SETD3: variants seen among roughly 807,000 people sequenced by gnomAD.
SETD3 encodes the protein SET domain containing 3, actin N3(tau)-histidine methyltransferase.
SETD3 carries 19 observed loss-of-function variants against 63.0 expected under a neutral mutation model. The observed-to-expected ratio is 0.30, with a 90% confidence interval of 0.21 to 0.44. The LOEUF (loss-of-function observed/expected upper bound fraction) is 0.44. Ranked by LOEUF, SETD3 falls within the 20% of genes least tolerant of loss-of-function variation. SETD3 has a pLI of 1.00. For missense variants in SETD3, 587 were observed against 728.5 expected (o/e 0.81, Z 2.24); for synonymous variants, 286 against 264.1 (o/e 1.08, Z -0.80).
chr14:99,470,922 G>A (rs1207409771), intron 1 of SETD3, among the ~76,000 whole-genome samples: 1 of 152,126 alleles, frequency 6.6e-6, no homozygotes, highest in African/African-American at 2.4e-5. Context: ...CAGCCCCCTG[G>A]CCTGGCTGTC....
chr14:99,405,124 T>C, intron 10 of SETD3, 81 bp downstream of exon 10: 2 of 1,509,760 alleles, frequency 1.3e-6, no homozygotes, highest in South Asian at 2.7e-5. Flanking sequence ...AGAAGTTTTA[T>C]TAACACACCA....
chr14:99,417,290 T>C (rs926625323), intron 6 of SETD3, among the ~76,000 whole-genome samples: 1 of 152,238 alleles, frequency 6.6e-6, no homozygotes, highest in African/African-American at 2.4e-5. Context: ...CTTCTCTTTA[T>C]AGTCCCTTGA....
intron 6 of SETD3, among the ~76,000 whole-genome samples, chr14:99,434,073 G>T (rs1434650716): frequency 6.6e-6 from 1 of 152,158 alleles, no homozygotes; most frequent in East Asian, 1.9e-4. Flanking sequence ...CAGAAGAAAT[G>T]AATGTATATG....
chr14:99,466,625 G>C (rs965840448), intron 1 of SETD3, among the ~76,000 whole-genome samples: 2 of 151,972 alleles, frequency 1.3e-5, no homozygotes, highest in African/African-American at 2.4e-5. Context: ...TGGCGGGGGG[G>C]GGGGGGGGCA....
rs1894835990 is a variant in SETD3 at position 99,457,680 on chromosome 14, C to T, written c.675+599G>A. Among the ~76,000 whole-genome samples the T allele has an allele frequency of 1.3e-5, 2 of 152,112 alleles. 1 individual carries two copies. Among genetic ancestry groups the T allele is most frequent in the South Asian group, 4.1e-4 (2 of 4,828 alleles). The stretch of plus-strand genomic sequence containing the variant: ...TCCTGGTGGGGACTGTGGTACTGGC[C>T]CTGTTCCTTCTGACTGCTGTTCAAC... On this transcript the variant is annotated intron_variant, in intron 6 of 12. Transcript: ENST00000331768.
At chr14:99,448,629 C>T (rs1480390095) in intron 6 of SETD3, among the ~76,000 whole-genome samples, 2 of 152,140 alleles carry the variant, frequency 1.3e-5, no homozygotes, top group Non-Finnish European at 2.9e-5. Flanking sequence ...TCAACACCTC[C>T]GGCCTATGAA....
At chr14:99,405,109 T>C (rs1306817624) in intron 10 of SETD3, 96 bp downstream of exon 10, 1 of 1,479,124 alleles carries the variant, frequency 6.8e-7, no homozygotes, top group Non-Finnish European at 9.1e-7. Flanking sequence ...GACAAACTAC[T>C]GGAGAGAAGT....
rs897938263 is a variant in SETD3, at chr14:99,416,861, T to C, written c.676-2927A>G. 3.3e-5 allele frequency among the ~76,000 whole-genome samples: 5 copies of C among 152,004 alleles called. No individual in the cohort carries two copies. In the East Asian group the frequency reaches 5.8e-4, roughly 18 times the overall value. On this transcript the variant is annotated intron_variant, in intron 6 of 12. Transcript: ENST00000331768. ...TGGCTCATAATCAGACCTGAAGCAC[T>C]ACAGAGCCAGGCAACCCAGGGACGC...
chr14:99,412,922 C>T, intron 8 of SETD3, 29 bp downstream of exon 8: 1 of 1,479,786 alleles, frequency 6.8e-7, no homozygotes, highest in Non-Finnish European at 9.4e-7. Context: ...CTCCCAGATT[C>T]AACACAACAC....
Position 99,465,821 on chromosome 14 carries a change from G to A in SETD3, c.-8-8C>T, listed in dbSNP as rs372958122. 90 of 1,589,324 alleles carry A rather than the reference G, an allele frequency of 5.7e-5. No individual in the cohort carries two copies. The highest frequency in any genetic ancestry group is 7.4e-5 in the Non-Finnish European group (86 of 1,160,934). On this transcript the variant is annotated splice_polypyrimidine_tract_variant and splice_region_variant and intron_variant, in intron 1 of 12. Coordinates refer to ENST00000331768, the MANE Select transcript of SETD3 (RefSeq NM_032233.3). Reference sequence around the variant, plus strand: ...TCTTACCCATTTTTCTGACTACAGAGAAGAGAAAGAAAAGAGAAAAAAATT... The same window carrying A: ...TCTTACCCATTTTTCTGACTACAGAAAAGAGAAAGAAAAGAGAAAAAAATT...
intron 6 of SETD3, among the ~76,000 whole-genome samples, chr14:99,438,143 A>G (rs950934465): frequency 3.9e-5 from 6 of 152,252 alleles, no homozygotes; most frequent in African/African-American, 1.2e-4. Flanking sequence ...AACTCATTAG[A>G]GCTGGTCTTG....
At chr14:99,414,885 C>T (rs1276775354) in intron 6 of SETD3, among the ~76,000 whole-genome samples, 2 of 152,176 alleles carry the variant, frequency 1.3e-5, no homozygotes, top group Admixed American at 1.3e-4. Context: ...ATGCAGGAAG[C>T]TCCATGTAGC....
chr14:99,413,992 T>A (rs951490648), intron 6 of SETD3, 58 bp from the exon 7 acceptor site: 16 of 1,478,128 alleles, frequency 1.1e-5, no homozygotes, highest in Non-Finnish European at 1.4e-5. Context: ...AAAACAGAAA[T>A]CAGTCAGCAG....
In SETD3 at chr14:99,400,975, A is replaced by T. The variant is rs575712536; in HGVS notation, c.1178-716T>A. On this transcript the variant is annotated intron_variant, in intron 11 of 12. Coordinates refer to ENST00000331768, the MANE Select transcript of SETD3 (RefSeq NM_032233.3). Reference sequence around the variant, plus strand: ...GGCAATGTGGCGAAACCCCATCTCTACAAAAAATACAAAATTAGCCAGGTA... The same window carrying T: ...GGCAATGTGGCGAAACCCCATCTCTTCAAAAAATACAAAATTAGCCAGGTA... Among the ~76,000 whole-genome samples, 587 of 152,186 alleles carry T rather than the reference A, an allele frequency of 3.9e-3. 3 individuals carry two copies. Among genetic ancestry groups the T allele is most frequent in the African/African-American group, 0.013 (553 of 41,520 alleles).
At chr14:99,472,819 G>A (rs1287489835) in intron 1 of SETD3, among the ~76,000 whole-genome samples, 1 of 151,890 alleles carries the variant, frequency 6.6e-6, no homozygotes, top group African/African-American at 2.4e-5. Flanking sequence ...AAAGAAAACA[G>A]GAAAATAGGA....
intron 3 of SETD3, 136 bp downstream of exon 3, chr14:99,463,350 G>C (rs575897457): frequency 8.1e-6 from 5 of 615,890 alleles, no homozygotes; most frequent in Non-Finnish European, 1.4e-5. Context: ...TCTCTCTCCC[G>C]GTCTGCAAGC....
intron 6 of SETD3, among the ~76,000 whole-genome samples, chr14:99,431,927 G>A (rs568083420): frequency 4.6e-5 from 7 of 152,136 alleles, no homozygotes; most frequent in African/African-American, 1.4e-4. Context: ...ATTTTAACTC[G>A]GGAATACTAT....
chr14:99,471,482 C>T (rs1284062458), intron 1 of SETD3, among the ~76,000 whole-genome samples: 4 of 152,146 alleles, frequency 2.6e-5, no homozygotes, highest in Admixed American at 2.0e-4. Flanking sequence ...ACTTAAAAAA[C>T]GGTTCTGTGG....
intron 6 of SETD3, among the ~76,000 whole-genome samples, chr14:99,425,206 C>A (rs1892815751): frequency 6.6e-6 from 1 of 152,218 alleles, no homozygotes; most frequent in Non-Finnish European, 1.5e-5. Flanking sequence ...AGCAGGTTTG[C>A]TGAACTAAGG....
Sources: allele counts gnomAD v4.1 joint callset (sites outside exome capture counted in the v4.1 genomes callset), GRCh38; gene constraint gnomAD v4.1.1; transcripts MANE v1.5; gene names NCBI Gene and HGNC (gene_info 2026-07-23, HGNC 2026-07-21).